Variants in CDK6 observed in about 807,000 individuals in gnomAD.
CDK6 encodes cyclin-dependent kinase 6.
Under a neutral mutation model 37.1 loss-of-function variants are expected in CDK6, and 6 were observed. That is an observed-to-expected ratio of 0.16 (90% CI 0.09 to 0.32). CDK6 has a LOEUF of 0.32. Among genes scored for constraint, CDK6 ranks in the 10% least tolerant of loss-of-function variants. The probability of loss-of-function intolerance (pLI) is 1.00; values close to 1 mark genes in which losing one functional copy is unlikely to be tolerated. For missense variants in CDK6, 224 were observed against 418.9 expected, an observed-to-expected ratio of 0.53 and a Z score of 4.06; for synonymous variants, 160 against 161.3, an observed-to-expected ratio of 0.99 and a Z score of 0.06.
At chr7:92,643,829 A>G (rs1053249146) in intron 5 of CDK6, among the ~76,000 whole-genome samples, 3 of 152,236 alleles carry the variant, frequency 2.0e-5, no homozygotes, top group Admixed American at 1.3e-4. Context: ...TCATTTATTT[A>G]CTTATTAAAT....
chr7:92,765,931 CCAAA>C (rs1176210240), intron 3 of CDK6, among the ~76,000 whole-genome samples: 3 of 151,966 alleles, frequency 2.0e-5, no homozygotes, highest in Non-Finnish European at 4.4e-5. Context: ...GTGGAGCATT[CCAAA>C]CAGATGAAAA....
At chr7:92,682,011 G>T (rs1387011207) in intron 4 of CDK6, among the ~76,000 whole-genome samples, 3 of 151,988 alleles carry the variant, frequency 2.0e-5, no homozygotes, top group East Asian at 3.9e-4. Flanking sequence ...AAGCAAAATC[G>T]CTACCTACCC....
intron 2 of CDK6, among the ~76,000 whole-genome samples, chr7:92,788,479 T>C (rs769692258): frequency 1.1e-4 from 17 of 152,248 alleles, no homozygotes; most frequent in Non-Finnish European, 2.2e-4. Context: ...AGTGGAATTC[T>C]TGGTAACATG....
rs538191697 is a variant in CDK6, at chr7:92,614,079, T to C, written c.*1061A>G. 6.9e-5 allele frequency: 16 copies of C among 233,198 alleles called. No homozygotes were observed. Among genetic ancestry groups the C allele is most frequent in the Middle Eastern group, 2.5e-3 (2 of 786 alleles). 14.4% of individuals were successfully genotyped at this position (233,198 alleles called of 1,614,324 possible). ...GTGGCAGAAAGTACAGTGTAATAGATGAGGAAAATTTCAAGGCCACTCCTG... is the reference window on the plus strand; with the variant it reads ...GTGGCAGAAAGTACAGTGTAATAGACGAGGAAAATTTCAAGGCCACTCCTG... On this transcript the variant is annotated 3_prime_UTR_variant, in exon 8 of 8. Transcript: ENST00000424848.
At chr7:92,743,078 T>C (rs1055914166) in intron 3 of CDK6, among the ~76,000 whole-genome samples, 1 of 151,988 alleles carries the variant, frequency 6.6e-6, no homozygotes, top group Non-Finnish European at 1.5e-5. Flanking sequence ...AAGGATCCCA[T>C]TCAAATCCCT....
intron 5 of CDK6, among the ~76,000 whole-genome samples, chr7:92,653,653 A>T (rs1796626200): frequency 2.0e-5 from 3 of 152,152 alleles, no homozygotes; most frequent in Admixed American, 2.0e-4. Flanking sequence ...TCTCTTTTTA[A>T]TGATTTTCCC....
At chr7:92,632,050 T>C (rs1796064989) in intron 5 of CDK6, among the ~76,000 whole-genome samples, 2 of 152,304 alleles carry the variant, frequency 1.3e-5, no homozygotes, top group African/African-American at 2.4e-5. Context: ...AACCTCTGAA[T>C]CCACTGGTTT....
At position 92,781,804 on chromosome 7, in the gene CDK6, C is replaced by T. The variant is rs564280101; in HGVS notation, c.234-6973G>A. 6.6e-5 allele frequency among the ~76,000 whole-genome samples: 10 copies of T among 152,202 alleles called. No homozygotes were observed. In the East Asian group the frequency reaches 9.7e-4, roughly 15 times the overall value. ...TTGAACTAGAGCCAGTATTTGGAATCGAGAAGAATTTTTAAAAATATCTAA... is the reference window on the plus strand; with the variant it reads ...TTGAACTAGAGCCAGTATTTGGAATTGAGAAGAATTTTTAAAAATATCTAA... On this transcript the variant is annotated intron_variant, in intron 2 of 7. Transcript: ENST00000424848.
At chr7:92,715,147 C>T (rs1798197264) in intron 4 of CDK6, among the ~76,000 whole-genome samples, 1 of 151,848 alleles carries the variant, frequency 6.6e-6, no homozygotes, top group Admixed American at 6.6e-5. Context: ...GCATTGGTAA[C>T]ATTTAAAAAA....
chr7:92,706,870 C>T (rs1022645164), intron 4 of CDK6, among the ~76,000 whole-genome samples: 1 of 152,196 alleles, frequency 6.6e-6, no homozygotes, highest in African/African-American at 2.4e-5. Context: ...AGAATAGATA[C>T]GTGTGTAGCC....
chr7:92,726,148 T>A (rs189279104), intron 3 of CDK6, among the ~76,000 whole-genome samples: 6 of 152,338 alleles, frequency 3.9e-5, no homozygotes, highest in Middle Eastern at 3.4e-3. Context: ...GCTTCTCTAT[T>A]GTTTAATGTG....
chr7:92,696,727 G>C (rs935944911), intron 4 of CDK6, among the ~76,000 whole-genome samples: 4 of 152,100 alleles, frequency 2.6e-5, no homozygotes, highest in Non-Finnish European at 5.9e-5. Flanking sequence ...TGATCATCAT[G>C]GACAGTGTCA....
Position 92,834,023 on chromosome 7 carries a change from C to T in CDK6, c.-367-333G>A, listed in dbSNP as rs1192671634. The T allele has an allele frequency of 1.5e-5, 6 of 397,576 alleles. No individual in the cohort carries two copies. Among genetic ancestry groups the T allele is most frequent in the Non-Finnish European group, 2.7e-5 (6 of 225,768 alleles). The allele number at this position is 397,576 out of a possible 1,614,324, so 24.6% of individuals were successfully genotyped here. A position where few individuals can be genotyped will look rare whatever the true frequency, so the allele number is the denominator to read the frequency against. On this transcript the variant is annotated intron_variant, in intron 1 of 7. Coordinates refer to ENST00000424848, the MANE Select transcript of CDK6 (RefSeq NM_001145306.2). The surrounding 1 kb of genome is among the most constrained non-coding windows in gnomAD (Gnocchi z 4.6). ...CGGGAGCGCGGGGGAGGGGAGGCGC[C>T]GGGCACGTCAATGTCACGGCTTAAT...
chr7:92,785,408 G>C lies in CDK6; in HGVS notation c.234-10577C>G, dbSNP rs1173923377. Among the ~76,000 whole-genome samples the C allele has an allele frequency of 2.0e-5, 3 of 152,102 alleles. No homozygotes were observed. The East Asian group carries it at 5.8e-4, about 29-fold the overall frequency. Reference sequence around the variant, plus strand: ...CAGTGGGAGAGTGTGGAGGAATGGGGACTGATAATGTGTACTGGGTTTCTT... The same window carrying C: ...CAGTGGGAGAGTGTGGAGGAATGGGCACTGATAATGTGTACTGGGTTTCTT... On this transcript the variant is annotated intron_variant, in intron 2 of 7. Coordinates refer to ENST00000424848, the MANE Select transcript of CDK6 (RefSeq NM_001145306.2).
intron 4 of CDK6, among the ~76,000 whole-genome samples, chr7:92,722,881 C>A (rs1225431953): frequency 2.0e-5 from 3 of 152,134 alleles, no homozygotes; most frequent in Non-Finnish European, 4.4e-5. Flanking sequence ...TAACTAAAAA[C>A]AAGACAGAAA....
At position 92,714,237 on chromosome 7, in the gene CDK6, A is replaced by G. The variant is rs371464535; in HGVS notation, c.537+11389T>C. Among the ~76,000 whole-genome samples, 6 of 152,278 alleles carry G rather than the reference A, an allele frequency of 3.9e-5. No homozygotes were observed. In the South Asian group the frequency reaches 1.2e-3, roughly 32 times the overall value. Reference sequence around the variant, plus strand: ...CAGAGATGGCATCTGAGTCTTGAAGAATGAGTAGGAGATTGTTAGGCTGGG... The same window carrying G: ...CAGAGATGGCATCTGAGTCTTGAAGGATGAGTAGGAGATTGTTAGGCTGGG... On this transcript the variant is annotated intron_variant, in intron 4 of 7. Transcript: ENST00000424848.
At chr7:92,659,612 A>ACACACACACACACACACACACAC (rs1350231680) in intron 5 of CDK6, among the ~76,000 whole-genome samples, 1 of 148,238 alleles carries the variant, frequency 6.7e-6, no homozygotes, top group East Asian at 2.1e-4. Flanking sequence ...GGCATGACAC[A>ACACACACACACACACACACACAC]CACACACACA....
chr7:92,625,999 G>A (rs10274498), intron 5 of CDK6, among the ~76,000 whole-genome samples: 2 of 151,912 alleles, frequency 1.3e-5, no homozygotes, highest in Non-Finnish European at 2.9e-5. Flanking sequence ...AATATTACTG[G>A]AGAATATCTA....
chr7:92,691,944 C>A (rs779497578), intron 4 of CDK6, among the ~76,000 whole-genome samples: 58 of 152,192 alleles, frequency 3.8e-4, no homozygotes, highest in Non-Finnish European at 1.3e-4. Context: ...AAGAGACCCA[C>A]AGGACTGAAA....
Sources: allele counts gnomAD v4.1 joint callset (sites outside exome capture counted in the v4.1 genomes callset), GRCh38; gene constraint gnomAD v4.1.1; non-coding constraint Gnocchi (gnomAD v3.1); transcripts MANE v1.5; gene names NCBI Gene and HGNC (gene_info 2026-07-23, HGNC 2026-07-21).